Variants in NOP58 observed in about 807,000 individuals in gnomAD.
The protein encoded by NOP58 is NOP58 ribonucleoprotein.
Under a neutral mutation model 71.2 loss-of-function variants are expected in NOP58, and 44 were observed. The observed-to-expected ratio is 0.62, with a 90% CI of 0.49 to 0.79. The LOEUF is 0.79. NOP58 is among the 30% of genes least tolerant of loss of function. NOP58 has a pLI of 0.00. For synonymous variants in NOP58, 228 were observed against 200.3 expected (o/e 1.14, Z -1.17); for missense variants, 538 against 620.2 (o/e 0.87, Z 1.41).
In NOP58 at chr2:202,290,405, A is replaced by C; in HGVS notation, c.582A>C (p.Leu194Phe). ...GGTATGGCTGGCATTTCCCTGAATT[A>C]GGAAAAATTATTTCAGATAATTTAA... is the stretch of plus-strand genomic sequence containing the variant. ...REWYGWHFPE[L>F]GKIISDNLTY... Residue 194 changes from leucine to phenylalanine, a missense_variant, in exon 7 of 15, where the codon TTA becomes TTC. By Grantham distance (22) the Leu-to-Phe change is conservative. Coordinates refer to ENST00000264279, the MANE Select transcript of NOP58 (RefSeq NM_015934.5). 1 of 1,610,420 alleles carries C rather than the reference A, an allele frequency of 6.2e-7. No individual in the cohort carries two copies. Among genetic ancestry groups the C allele is most frequent in the Non-Finnish European group, 8.5e-7 (1 of 1,177,254 alleles).
intron 3 of NOP58, chr2:202,278,264 C>T (rs1263585451): frequency 1.8e-6 from 1 of 571,358 alleles, no homozygotes. Context: ...AGTTGATCTC[C>T]CTGTGGAAAC....
At chr2:202,271,270 CAT>C (rs1254360723) in intron 1 of NOP58, among the ~76,000 whole-genome samples, 1 of 151,674 alleles carries the variant, frequency 6.6e-6, no homozygotes, top group Admixed American at 6.6e-5. Context: ...AAAAGAATAA[CAT>C]AAGCTGGGTG....
At chr2:202,296,097 C>G (rs1688988746) in intron 10 of NOP58, among the ~76,000 whole-genome samples, 1 of 151,736 alleles carries the variant, frequency 6.6e-6, no homozygotes, top group African/African-American at 2.4e-5. Flanking sequence ...CTGTGGTTGG[C>G]ACACTGAAAA....
At chr2:202,294,763 G>A (rs570838348) in intron 9 of NOP58, among the ~76,000 whole-genome samples, 11 of 152,200 alleles carry the variant, frequency 7.2e-5, no homozygotes, top group Middle Eastern at 6.8e-3. Context: ...AGGAGTTCAA[G>A]ATCAGCCTGG....
At chr2:202,292,490 T>TAGCTG (rs1482458938) in intron 8 of NOP58, among the ~76,000 whole-genome samples, 2 of 151,800 alleles carry the variant, frequency 1.3e-5, no homozygotes, top group Non-Finnish European at 2.9e-5. Flanking sequence ...TACAAAAAAT[T>TAGCTG]AGCTGGGCGT....
In NOP58 at chr2:202,291,216, G is replaced by A; in HGVS notation, c.726G>A (p.Met242Ile). 6.2e-7 allele frequency: 1 copy of A among 1,611,474 alleles called. No homozygotes were observed. The highest frequency in any genetic ancestry group is 8.5e-7 in the Non-Finnish European group (1 of 1,179,322). ...AEVKAAAEISMGTEVSEEDIC... is the reference protein window; with the variant it reads ...AEVKAAAEISIGTEVSEEDIC... ...TGAAAGCAGCTGCAGAGATATCAAT[G>A]GGAACAGAGGTTTCAGAAGAAGATA... Residue 242 changes from methionine to isoleucine, a missense_variant, in exon 8 of 15, where the codon ATG (methionine) becomes ATA (isoleucine). By Grantham distance (10) the Met-to-Ile change is conservative (BLOSUM62 1). Transcript: ENST00000264279.
chr2:202,295,949 T>A, intron 10 of NOP58, 112 bp downstream of exon 10: 1 of 780,640 alleles, frequency 1.3e-6, no homozygotes, highest in Non-Finnish European at 1.9e-6. Context: ...TCTTTCTTGT[T>A]AAATAGGGAA....
intron 10 of NOP58, 103 bp downstream of exon 10, chr2:202,295,940 C>CTA: frequency 1.1e-6 from 1 of 876,784 alleles, no homozygotes; most frequent in East Asian, 2.9e-5. Context: ...TCTATTGTCT[C>CTA]TTTCTTGTTA....
chr2:202,289,130 A>G (rs1233594831), intron 6 of NOP58, among the ~76,000 whole-genome samples: 1 of 151,132 alleles, frequency 6.6e-6, no homozygotes, highest in Non-Finnish European at 1.5e-5. Context: ...CAAAAAAAGA[A>G]AAAAAAAAGC....
Position 202,302,557 on chromosome 2 carries a change from A to G in NOP58, c.1403-364A>G, listed in dbSNP as rs564771104. Among the ~76,000 whole-genome samples the G allele has an allele frequency of 6.4e-4, 98 of 152,276 alleles. No individual in the cohort carries two copies. The South Asian group carries it at 0.019, about 30-fold the overall frequency. ...GGGAGCTTCACCAAGGGTAAATACAATTTTTCAGGGTTGCAGCAGGTAGAT... is the reference window on the plus strand; with the variant it reads ...GGGAGCTTCACCAAGGGTAAATACAGTTTTTCAGGGTTGCAGCAGGTAGAT... On this transcript the variant is annotated intron_variant, in intron 13 of 14. Coordinates refer to ENST00000264279, the MANE Select transcript of NOP58 (RefSeq NM_015934.5).
chr2:202,295,671 T>C lies in NOP58; in HGVS notation c.908-3T>C. On this transcript the variant is annotated splice_region_variant and splice_polypyrimidine_tract_variant and intron_variant, in intron 9 of 14. Coordinates refer to ENST00000264279, the MANE Select transcript of NOP58 (RefSeq NM_015934.5). The stretch of plus-strand genomic sequence containing the variant: ...CATTCTTTGTAACTTTTTTCTTTTG[T>C]AGGTTCTCTTTTAAATTTGGCCAAG... The C allele has an allele frequency of 6.4e-7, 1 of 1,563,058 alleles. No homozygotes were observed.
chr2:202,274,939 C>T (rs1380554016), intron 1 of NOP58, among the ~76,000 whole-genome samples, 174 bp from the exon 2 acceptor site: 1 of 152,022 alleles, frequency 6.6e-6, no homozygotes, highest in Non-Finnish European at 1.5e-5. Context: ...ATGGGCAATT[C>T]GAACTAGTAA....
intron 13 of NOP58, among the ~76,000 whole-genome samples, chr2:202,302,091 T>C (rs1444477766): frequency 3.4e-4 from 47 of 136,590 alleles, no homozygotes; most frequent in African/African-American, 5.7e-4. Flanking sequence ...TTCTTTTTTT[T>C]TTTTTTTTTT....
At chr2:202,275,630 A>G (rs1235736276) in intron 2 of NOP58, 2 of 153,890 alleles carry the variant, frequency 1.3e-5, no homozygotes, top group South Asian at 4.1e-4. Context: ...TCACAATTTC[A>G]TGGAAGATTC....
rs538828432 is a variant in NOP58, at chr2:202,279,642, A to C, written c.175+1640A>C. Reference sequence around the variant, plus strand: ...AAACCTCGTCTCTACTGAAATTACAAAAATTAGCCGGGTGTGGTGGCACAC... The same window carrying C: ...AAACCTCGTCTCTACTGAAATTACACAAATTAGCCGGGTGTGGTGGCACAC... On this transcript the variant is annotated intron_variant, in intron 3 of 14. Transcript: ENST00000264279. Among the ~76,000 whole-genome samples the C allele has an allele frequency of 2.6e-5, 4 of 152,298 alleles. No homozygotes were observed. In the South Asian group the frequency reaches 8.3e-4, roughly 32 times the overall value.
intron 9 of NOP58, 87 bp from the exon 10 acceptor site, chr2:202,295,587 T>C: frequency 1.1e-6 from 1 of 873,416 alleles, no homozygotes; most frequent in Non-Finnish European, 1.7e-6. Flanking sequence ...TTATGGTGGC[T>C]GTAATAATTC....
chr2:202,295,674 G>A lies in NOP58; in HGVS notation c.908G>A (p.Gly303Asp). 6.4e-7 allele frequency: 1 copy of A among 1,563,446 alleles called. No homozygotes were observed. The highest frequency in any genetic ancestry group is 8.6e-7 in the Non-Finnish European group (1 of 1,157,368). Reference sequence around the variant, plus strand: ...TCTTTGTAACTTTTTTCTTTTGTAGGTTCTCTTTTAAATTTGGCCAAGCAT... The same window carrying A: ...TCTTTGTAACTTTTTTCTTTTGTAGATTCTCTTTTAAATTTGGCCAAGCAT... ...LVGARLIAHA[G>D]SLLNLAKHAA... Residue 303 changes from glycine to aspartate, a missense_variant and splice_region_variant, in exon 10 of 15, where the codon GGT becomes GAT. Gly to Asp is a moderately conservative substitution (Grantham distance 94). Coordinates refer to ENST00000264279, the MANE Select transcript of NOP58 (RefSeq NM_015934.5).
At chr2:202,283,415 C>G (rs532155475) in intron 4 of NOP58, among the ~76,000 whole-genome samples, 1 of 151,142 alleles carries the variant, frequency 6.6e-6, no homozygotes, top group Non-Finnish European at 1.5e-5. Flanking sequence ...GCTAGGATTA[C>G]AGGCATGTGC....
intron 3 of NOP58, among the ~76,000 whole-genome samples, chr2:202,279,660 T>G (rs981320614): frequency 3.5e-4 from 54 of 152,118 alleles, no homozygotes; most frequent in Admixed American, 2.5e-3. Context: ...CCGGGTGTGG[T>G]GGCACACACC....
Sources: gnomAD v4.1 joint callset for allele counts (sites outside exome capture counted in the v4.1 genomes callset) on GRCh38, gnomAD v4.1.1 for gene constraint, MANE v1.5 for transcripts, NCBI Gene and HGNC (gene_info 2026-07-23, HGNC 2026-07-21) for gene names.